The following NLN variants were observed in gnomAD, a reference collection of about 807,000 sequenced individuals.
NLN encodes neurolysin, mitochondrial.
A neutral mutation model predicts 79.9 loss-of-function variants in NLN; 64 were observed. The observed-to-expected ratio is 0.80, with a 90% CI of 0.65 to 0.99. The LOEUF (loss-of-function observed/expected upper bound fraction) is 0.99, where lower values mean the gene tolerates loss of function less well. Among genes scored for constraint, NLN ranks in the 50% least tolerant of loss-of-function variants. The pLI is 0.00. For missense variants in NLN, 835 were observed against 858.7 expected (o/e 0.97, Z 0.34); for synonymous variants, 267 against 296.6 (o/e 0.90, Z 1.02).
chr5:65,818,075 T>C (rs1561215370), intron 12 of NLN, among the ~76,000 whole-genome samples: 1 of 152,236 alleles, frequency 6.6e-6, no homozygotes, highest in African/African-American at 2.4e-5. Flanking sequence ...TTCGAATTGA[T>C]TTCCAACCTA....
At chr5:65,757,160 A>G (rs147491054) in intron 1 of NLN, among the ~76,000 whole-genome samples, 48 of 152,342 alleles carry the variant, frequency 3.2e-4, no homozygotes, top group Non-Finnish European at 5.4e-4. Context: ...GATACAGTAC[A>G]TGCTCATAAA....
intron 1 of NLN, chr5:65,741,091 C>T (rs141881967): frequency 6.6e-6 from 1 of 152,486 alleles, no homozygotes; most frequent in African/African-American, 2.4e-5. Context: ...AGGTTGGTCT[C>T]AAACTCCTGA....
intron 1 of NLN, among the ~76,000 whole-genome samples, chr5:65,745,715 T>C (rs1164948577): frequency 6.6e-6 from 1 of 152,096 alleles, no homozygotes; most frequent in Non-Finnish European, 1.5e-5. Context: ...AGCATGGTAG[T>C]TAGGGCAGAT....
At chr5:65,731,970 C>T (rs917067755) in intron 1 of NLN, among the ~76,000 whole-genome samples, 7 of 151,930 alleles carry the variant, frequency 4.6e-5, no homozygotes, top group African/African-American at 1.7e-4. Flanking sequence ...AGGCTGATCT[C>T]AAACTCCTGG....
rs777900157 is a variant in NLN, at chr5:65,810,182, A to T, written c.1843+17A>T. On this transcript the variant is annotated intron_variant, in intron 11 of 12. Coordinates refer to ENST00000380985, the MANE Select transcript of NLN (RefSeq NM_020726.5). The stretch of plus-strand genomic sequence containing the variant: ...CTACTCCAGGTATGTAACTACTATG[A>T]ATTGAGTTCATTTCTCTGTGAAGCA... 6.2e-7 allele frequency: 1 copy of T among 1,611,636 alleles called. No individual in the cohort carries two copies. Among genetic ancestry groups the T allele is most frequent in the Non-Finnish European group, 8.5e-7 (1 of 1,177,978 alleles).
chr5:65,736,622 T>G (rs1461253033), intron 1 of NLN, among the ~76,000 whole-genome samples: 1 of 147,262 alleles, frequency 6.8e-6, no homozygotes, highest in Non-Finnish European at 1.5e-5. Context: ...GTAATGGTAT[T>G]ACTTGGCTTT....
chr5:65,757,713 C>CT (rs1301311019), intron 1 of NLN, among the ~76,000 whole-genome samples: 5 of 151,934 alleles, frequency 3.3e-5, no homozygotes, highest in Middle Eastern at 3.2e-3. Context: ...TAAACAATTT[C>CT]TTTTTTCTTT....
Position 65,809,499 on chromosome 5 carries a change from T to C in NLN, c.1528-16T>C, listed in dbSNP as rs764267978. On this transcript the variant is annotated splice_polypyrimidine_tract_variant and intron_variant, in intron 9 of 12. Coordinates refer to ENST00000380985, the MANE Select transcript of NLN (RefSeq NM_020726.5). ...CATTGAGTTCTTTAAAAAAATTCTC[T>C]GTGTTTGCTTTCTAGACTGATTTTG... 1.1e-5 allele frequency: 17 copies of C among 1,567,384 alleles called. No individual in the cohort carries two copies. In the Admixed American group the frequency reaches 3.1e-4, roughly 29 times the overall value.
intron 6 of NLN, among the ~76,000 whole-genome samples, chr5:65,784,427 G>A (rs1033824313): frequency 8.5e-5 from 13 of 152,100 alleles, no homozygotes; most frequent in African/African-American, 2.9e-4. Context: ...TACCACAGAC[G>A]AAGTAATTTA....
intron 3 of NLN, among the ~76,000 whole-genome samples, chr5:65,770,680 A>C (rs71632539): frequency 0.026 from 3,972 of 152,252 alleles, 76 homozygotes; most frequent in Non-Finnish European, 0.036. Context: ...CTCAGTATTT[A>C]CCTAGAGATA....
At position 65,822,961 on chromosome 5, in the gene NLN, A is replaced by G; in HGVS notation, c.*46A>G. On this transcript the variant is annotated 3_prime_UTR_variant, in exon 13 of 13. Coordinates refer to ENST00000380985, the MANE Select transcript of NLN (RefSeq NM_020726.5). ...GTCCATGTCTGGAGGACAAGTCGACATCACCATGTGTTACTGGCCTGGAAA... is the reference window on the plus strand; with the variant it reads ...GTCCATGTCTGGAGGACAAGTCGACGTCACCATGTGTTACTGGCCTGGAAA... 1 of 1,561,848 alleles carries G rather than the reference A, an allele frequency of 6.4e-7. No individual in the cohort carries two copies. Among genetic ancestry groups the G allele is most frequent in the Non-Finnish European group, 8.8e-7 (1 of 1,134,436 alleles).
At chr5:65,735,755 A>T (rs7706414) in intron 1 of NLN, among the ~76,000 whole-genome samples, 2,457 of 152,262 alleles carry the variant, frequency 0.016, 72 homozygotes, top group African/African-American at 0.056. Flanking sequence ...AGAAATCCCT[A>T]TACAGTCTGA....
intron 11 of NLN, among the ~76,000 whole-genome samples, chr5:65,811,425 C>A (rs13358755): frequency 1.3e-5 from 2 of 152,044 alleles, no homozygotes; most frequent in South Asian, 2.1e-4. Context: ...GCCTGTAATC[C>A]AGCATTTTGG....
At chr5:65,725,148 T>C (rs1156733728) in intron 1 of NLN, among the ~76,000 whole-genome samples, 1 of 152,122 alleles carries the variant, frequency 6.6e-6, no homozygotes, top group Non-Finnish European at 1.5e-5. Context: ...ATGTGTGACA[T>C]AATAGAAGGT....
chr5:65,799,809 A>G (rs999453970), intron 9 of NLN, among the ~76,000 whole-genome samples: 8 of 152,198 alleles, frequency 5.3e-5, no homozygotes, highest in African/African-American at 1.7e-4. Flanking sequence ...ATGTCAACAC[A>G]TTATCTTTAT....
At chr5:65,739,642 G>A (rs1758829258) in intron 1 of NLN, among the ~76,000 whole-genome samples, 1 of 152,030 alleles carries the variant, frequency 6.6e-6, no homozygotes, top group Non-Finnish European at 1.5e-5. Flanking sequence ...CAGTGTGTGC[G>A]GGTTCCCTTT....
chr5:65,814,013 G>A (rs17244017), intron 12 of NLN, among the ~76,000 whole-genome samples: 13,271 of 152,144 alleles, frequency 0.087, 866 homozygotes, highest in Admixed American at 0.2. Flanking sequence ...CTGTCTCAGA[G>A]GAGATGTCTC....
At chr5:65,811,077 G>A (rs1186291681) in intron 11 of NLN, among the ~76,000 whole-genome samples, 1 of 152,180 alleles carries the variant, frequency 6.6e-6, no homozygotes, top group Non-Finnish European at 1.5e-5. Context: ...TGTAATCTGA[G>A]ATTTATGGGA....
At chr5:65,731,494 G>A (rs1439340652) in intron 1 of NLN, among the ~76,000 whole-genome samples, 2 of 152,024 alleles carry the variant, frequency 1.3e-5, no homozygotes, top group Admixed American at 6.6e-5. Flanking sequence ...GTTTTATTTT[G>A]GGATTTTTAA....
Sources: gnomAD v4.1 joint callset for allele counts (sites outside exome capture counted in the v4.1 genomes callset) on GRCh38, gnomAD v4.1.1 for gene constraint, MANE v1.5 for transcripts, NCBI Gene and HGNC (gene_info 2026-07-23, HGNC 2026-07-21) for gene names.